Variants in GPHN observed in about 807,000 individuals in gnomAD.
GPHN encodes gephyrin.
GPHN carries 17 observed loss-of-function variants against 95.5 expected under a neutral mutation model. The observed-to-expected ratio is 0.18, with a 90% CI of 0.12 to 0.27. GPHN has a LOEUF of 0.27. Among genes scored for constraint, GPHN ranks in the 10% least tolerant of loss-of-function variants. The pLI is 1.00. For missense variants in GPHN, 660 were observed against 978.1 expected (o/e 0.67, Z 4.34); for synonymous variants, 320 against 322.5 (o/e 0.99, Z 0.08).
chr14:67,030,295 A>T (rs1311125773), intron 10 of GPHN, among the ~76,000 whole-genome samples: 2 of 152,118 alleles, frequency 1.3e-5, no homozygotes, highest in Non-Finnish European at 2.9e-5. Context: ...CTAGCCACTG[A>T]TTTGTCCAAA....
the GPHN span, among the ~76,000 whole-genome samples, chr14:67,671,828 G>C: frequency 1.3e-5 from 2 of 152,182 alleles, no homozygotes; most frequent in Non-Finnish European, 2.9e-5. Flanking sequence ...GAGCAGGCAA[G>C]CAAGAGAGGG....
At chr14:67,455,713 C>T in the GPHN span, among the ~76,000 whole-genome samples, 1 of 152,006 alleles carries the variant, frequency 6.6e-6, no homozygotes, top group African/African-American at 2.4e-5. Flanking sequence ...TATCATTTAC[C>T]ATATATAATA....
the GPHN span, chr14:67,724,359 A>G: frequency 6.0e-6 from 5 of 829,592 alleles, no homozygotes; most frequent in Non-Finnish European, 1.0e-5. Flanking sequence ...CCTGACTGCA[A>G]CTTAAAGATA....
chr14:67,015,425 G>A (rs780439087), intron 9 of GPHN, among the ~76,000 whole-genome samples: 5 of 152,094 alleles, frequency 3.3e-5, no homozygotes, highest in African/African-American at 7.2e-5. Context: ...CAGCCCAGGC[G>A]CTGTGGCTCA....
At chr14:67,402,582 C>A in the GPHN span, among the ~76,000 whole-genome samples, 1 of 152,294 alleles carries the variant, frequency 6.6e-6, no homozygotes, top group Non-Finnish European at 1.5e-5. Flanking sequence ...CAGCCCCTCA[C>A]CCACCCTTCC....
At chr14:67,556,009 A>G in the GPHN span, 1 of 1,271,300 alleles carries the variant, frequency 7.9e-7, no homozygotes, top group Non-Finnish European at 1.1e-6. Context: ...ACCTGAACAA[A>G]TGAGTGTGCG....
rs113155099 is a variant in GPHN at position 66,871,849 on chromosome 14, G to A, written c.295-8090G>A. Among the ~76,000 whole-genome samples, 506 of 152,106 alleles carry A rather than the reference G, an allele frequency of 3.3e-3. 13 individuals carry two copies. The highest frequency in any genetic ancestry group is 0.011 in the African/African-American group (448 of 41,484). On this transcript the variant is annotated intron_variant, in intron 4 of 22. Coordinates refer to ENST00000478722, the MANE Select transcript of GPHN (RefSeq NM_020806.5). ...ATGCAGAGCTTAAAACCTAGATGAC[G>A]GGTTGACAGGTGCAGCAAACCACCA...
At chr14:67,579,783 AG>A in the GPHN span, 4 of 1,612,416 alleles carry the variant, frequency 2.5e-6, no homozygotes. Context: ...ACCAGGAGAT[AG>A]GCATGAGAAA....
the GPHN span, chr14:67,576,601 G>GT: frequency 7.8e-6 from 5 of 638,980 alleles, no homozygotes; most frequent in African/African-American, 9.1e-5. This position sits in a 1 kb window ranked among gnomAD's most constrained non-coding sequence, Gnocchi z 4.0. Flanking sequence ...CCCTGAAGCT[G>GT]TTTTTAAAAC....
At chr14:66,545,360 C>T (rs561554244) in intron 1 of GPHN, among the ~76,000 whole-genome samples, 15 of 144,110 alleles carry the variant, frequency 1.0e-4, no homozygotes, top group East Asian at 6.5e-4. Flanking sequence ...CCCTCCCGGA[C>T]GGGGCGACTG....
rs199570344 is a variant in GPHN at position 66,960,281 on chromosome 14, CT to C, written c.829-4899del. On this transcript the variant is annotated intron_variant, in intron 8 of 22. Coordinates refer to ENST00000478722, the MANE Select transcript of GPHN (RefSeq NM_020806.5). The stretch of plus-strand genomic sequence containing the variant: ...TTTCCGTTCATTTCTTTTTTCTTTT[CT>C]TTTTTTTTTTCCCTGTGTACAGGTT... 9.5e-4 allele frequency among the ~76,000 whole-genome samples: 135 copies of C among 142,670 alleles called. 1 individual carries two copies. Among genetic ancestry groups the C allele is most frequent in the South Asian group, 4.8e-3 (22 of 4,620 alleles). 93.6% of individuals were successfully genotyped at this position (142,670 alleles called of 152,430 possible).
chr14:67,481,346 C>T, the GPHN span, among the ~76,000 whole-genome samples: 2 of 152,002 alleles, frequency 1.3e-5, no homozygotes, highest in Non-Finnish European at 2.9e-5. Context: ...TATGGTGTGC[C>T]CCAAGCCCAG....
the GPHN span, among the ~76,000 whole-genome samples, chr14:67,465,449 ATC>A: frequency 4.7e-5 from 6 of 128,726 alleles, no homozygotes; most frequent in Non-Finnish European, 9.4e-5. Flanking sequence ...GTCGAGCTTG[ATC>A]CTTAGGGTAA....
chr14:67,261,807 C>A, the GPHN span, among the ~76,000 whole-genome samples: 1 of 151,850 alleles, frequency 6.6e-6, no homozygotes, highest in Non-Finnish European at 1.5e-5. Flanking sequence ...ATCTTGTTAC[C>A]ACAATCAGGT....
the GPHN span, among the ~76,000 whole-genome samples, chr14:67,266,130 C>G: frequency 4.1e-3 from 615 of 151,554 alleles, 2 homozygotes; most frequent in Non-Finnish European, 5.3e-3. Context: ...TATATTGTGC[C>G]CATTGAGTTA....
intron 2 of GPHN, among the ~76,000 whole-genome samples, chr14:66,735,718 A>G (rs2072201432): frequency 6.6e-6 from 1 of 152,068 alleles, no homozygotes; most frequent in South Asian, 2.1e-4. Context: ...TTTTATTTTT[A>G]TGATTCAAAT....
the GPHN span, among the ~76,000 whole-genome samples, chr14:67,717,334 AG>A: frequency 6.6e-6 from 1 of 152,222 alleles, no homozygotes; most frequent in Admixed American, 6.5e-5. Context: ...CAGCCATTGT[AG>A]ACTAATGGAG....
At chr14:66,785,491 G>C (rs1336903243) in intron 3 of GPHN, among the ~76,000 whole-genome samples, 1 of 151,806 alleles carries the variant, frequency 6.6e-6, no homozygotes, top group South Asian at 2.1e-4. Flanking sequence ...TAATGTGAAA[G>C]GCTCAATCCA....
intron 17 of GPHN, among the ~76,000 whole-genome samples, chr14:67,130,562 A>G (rs771352503): frequency 1.3e-5 from 2 of 152,118 alleles, no homozygotes; most frequent in South Asian, 2.1e-4. Flanking sequence ...TAATGCTGCA[A>G]TGAACTTAAG....
Sources: gnomAD v4.1 joint callset for allele counts (sites outside exome capture counted in the v4.1 genomes callset) on GRCh38, gnomAD v4.1.1 for gene constraint, Gnocchi (gnomAD v3.1) non-coding constraint, MANE v1.5 for transcripts, NCBI Gene and HGNC (gene_info 2026-07-23, HGNC 2026-07-21) for gene names.